Variants in DDC observed in about 807,000 individuals in gnomAD.
DDC encodes the protein dopa decarboxylase.
A neutral mutation model predicts 60.0 loss-of-function variants in DDC; 43 were observed. The observed-to-expected ratio is 0.72, with a 90% CI of 0.56 to 0.92. DDC has a LOEUF of 0.92. Among genes scored for constraint, DDC ranks in the 40% least tolerant of loss-of-function variants. The probability of loss-of-function intolerance (pLI) is 0.00; values close to 1 mark genes in which losing one functional copy is unlikely to be tolerated. For synonymous variants in DDC, 232 were observed against 234.6 expected, an observed-to-expected ratio of 0.99 and a Z score of 0.10; for missense variants, 573 against 620.2, an observed-to-expected ratio of 0.92 and a Z score of 0.81.
At chr7:50,543,495 A>G (rs759692403) in intron 2 of DDC, 1 of 338,162 alleles carries the variant, frequency 3.0e-6, no homozygotes, top group Non-Finnish European at 5.8e-6. Flanking sequence ...AAACCCAAGG[A>G]TGGTGGAAGT....
At chr7:50,491,584 G>A (rs1485270608) in intron 9 of DDC, among the ~76,000 whole-genome samples, 3 of 151,766 alleles carry the variant, frequency 2.0e-5, no homozygotes, top group Non-Finnish European at 2.9e-5. Context: ...TATGCCAAAG[G>A]AAAAAAAATA....
chr7:50,536,114 T>C (rs1183241389), intron 4 of DDC, among the ~76,000 whole-genome samples: 1 of 152,194 alleles, frequency 6.6e-6, no homozygotes, highest in Non-Finnish European at 1.5e-5. Context: ...AGGAATTTCC[T>C]TTTGGATGAA....
At chr7:50,459,842 G>C (rs2042218837) in intron 14 of DDC, among the ~76,000 whole-genome samples, 1 of 145,520 alleles carries the variant, frequency 6.9e-6, no homozygotes, top group Admixed American at 6.7e-5. Context: ...GGGGGAATCA[G>C]CCCCCGGCCC....
chr7:50,541,126 A>G (rs2044616015), intron 2 of DDC, among the ~76,000 whole-genome samples: 1 of 152,218 alleles, frequency 6.6e-6, no homozygotes, highest in Admixed American at 6.5e-5. Flanking sequence ...GTGACCACGC[A>G]CTGGTTTCTG....
intron 11 of DDC, among the ~76,000 whole-genome samples, chr7:50,475,922 TC>T (rs2042633203): frequency 6.6e-6 from 1 of 152,036 alleles, no homozygotes; most frequent in Admixed American, 6.5e-5. Context: ...AGACCTGACC[TC>T]AGATGATCCA....
intron 1 of DDC, among the ~76,000 whole-genome samples, chr7:50,547,306 G>C (rs2044840704): frequency 6.6e-6 from 1 of 151,918 alleles, no homozygotes. Context: ...TGCCTCCCAG[G>C]TTCAAGTGAT....
chr7:50,564,968 C>T (rs904188914), intron 1 of DDC, among the ~76,000 whole-genome samples: 1 of 152,160 alleles, frequency 6.6e-6, no homozygotes, highest in African/African-American at 2.4e-5. Flanking sequence ...TACCCAACAC[C>T]ATCCCTGGTG....
chr7:50,514,433 C>T (rs2043671964), intron 6 of DDC, among the ~76,000 whole-genome samples: 1 of 152,098 alleles, frequency 6.6e-6, no homozygotes, highest in African/African-American at 2.4e-5. Context: ...TCAACACCCC[C>T]CAAAAAAATC....
intron 14 of DDC, among the ~76,000 whole-genome samples, chr7:50,462,457 C>T (rs11575550): frequency 0.012 from 1,844 of 152,212 alleles, 38 homozygotes; most frequent in African/African-American, 0.043. Flanking sequence ...GAGGGGTAAA[C>T]CCCTCACAAC....
intron 1 of DDC, among the ~76,000 whole-genome samples, chr7:50,549,346 C>G (rs1183412200): frequency 2.0e-5 from 3 of 152,134 alleles, no homozygotes; most frequent in African/African-American, 7.2e-5. Flanking sequence ...ATTTACTATT[C>G]TAGATGCCAT....
intron 1 of DDC, 111 bp from the exon 2 acceptor site, chr7:50,544,224 G>C (rs934633307): frequency 1.6e-5 from 13 of 799,718 alleles, no homozygotes; most frequent in Admixed American, 3.9e-5. Flanking sequence ...GCATGCCCTG[G>C]AGGCCACTTG....
At chr7:50,480,107 G>A in intron 9 of DDC, 1 of 544,254 alleles carries the variant, frequency 1.8e-6, no homozygotes, top group Non-Finnish European at 3.3e-6. Context: ...AGATCTCCTA[G>A]TGATAAGGGT....
chr7:50,501,117 T>TG (rs1481864372), intron 7 of DDC, among the ~76,000 whole-genome samples: 4 of 152,132 alleles, frequency 2.6e-5, no homozygotes, highest in Non-Finnish European at 4.4e-5. Context: ...GCTGCCTCAG[T>TG]GGGGAGGGAT....
At chr7:50,535,286 A>G (rs111820840) in intron 4 of DDC, among the ~76,000 whole-genome samples, 15,744 of 151,922 alleles carry the variant, frequency 0.1, 1,059 homozygotes, top group South Asian at 0.14. Context: ...AGCTGGGATT[A>G]TAGGTGCCCG....
intron 1 of DDC, among the ~76,000 whole-genome samples, chr7:50,550,931 G>A (rs978803019): frequency 6.6e-6 from 1 of 152,108 alleles, no homozygotes; most frequent in Non-Finnish European, 1.5e-5. Context: ...TAAATAAATG[G>A]TAACAAATTA....
chr7:50,554,764 C>A (rs541389957), intron 1 of DDC, among the ~76,000 whole-genome samples: 1 of 152,160 alleles, frequency 6.6e-6, no homozygotes, highest in African/African-American at 2.4e-5. Flanking sequence ...CCCAGGTTCC[C>A]GCAGCATTCT....
intron 6 of DDC, among the ~76,000 whole-genome samples, chr7:50,518,519 T>C (rs2043800512): frequency 1.3e-5 from 2 of 152,184 alleles, no homozygotes; most frequent in African/African-American, 2.4e-5. Context: ...CAGAACAGCA[T>C]GGTACTGGTA....
At chr7:50,527,615 TC>T (rs1398891098) in intron 6 of DDC, 3 of 161,378 alleles carry the variant, frequency 1.9e-5, no homozygotes, top group Non-Finnish European at 2.7e-5. Context: ...GGACCTTACC[TC>T]CCCGCACATT....
At chr7:50,522,927 C>T (rs2043938659) in intron 6 of DDC, among the ~76,000 whole-genome samples, 1 of 152,122 alleles carries the variant, frequency 6.6e-6, no homozygotes, top group Non-Finnish European at 1.5e-5. Context: ...GGGAGAGGTG[C>T]TACACACTGT....
Sources: allele counts gnomAD v4.1 joint callset (sites outside exome capture counted in the v4.1 genomes callset), GRCh38; gene constraint gnomAD v4.1.1; transcripts MANE v1.5; gene names NCBI Gene and HGNC (gene_info 2026-07-23, HGNC 2026-07-21).